PTGDR: variants seen among roughly 807,000 people sequenced by gnomAD.
The protein encoded by PTGDR is prostaglandin D2 receptor.
In PTGDR, 19 loss-of-function variants were observed where a neutral mutation model predicts 17.4. The observed-to-expected ratio is 1.09, with a 90% CI of 0.76 to 1.60. The LOEUF is 1.60. Ranked by LOEUF, PTGDR falls within the 40% of genes most tolerant of loss-of-function variation. PTGDR has a pLI of 0.00. For synonymous variants in PTGDR, 267 were observed against 224.2 expected (o/e 1.19, Z -1.71); for missense variants, 526 against 481.9 (o/e 1.09, Z -0.86).
Position 52,274,982 on chromosome 14 carries a change from T to C in PTGDR, c.*18T>C, listed in dbSNP as rs1237344996. The C allele has an allele frequency of 2.7e-6, 4 of 1,490,114 alleles. No individual in the cohort carries two copies. Among genetic ancestry groups the C allele is most frequent in the Non-Finnish European group, 3.7e-6 (4 of 1,077,366 alleles). The allele number at this position is 1,490,114 out of a possible 1,614,324, so 92.3% of individuals were successfully genotyped here. On this transcript the variant is annotated 3_prime_UTR_variant, in exon 2 of 2. Transcript: ENST00000306051. ...GTCTGTGACAGTGTTTTTCACTCTG[T>C]GGTAAGCTGAGGAATATGTCACATT...
chr14:52,274,036 T>G (rs576153418), intron 1 of PTGDR, among the ~76,000 whole-genome samples: 1 of 152,102 alleles, frequency 6.6e-6, no homozygotes, highest in South Asian at 2.1e-4. Flanking sequence ...TAAGGCAGCC[T>G]TATATTTTTG....
In PTGDR at chr14:52,268,355, A is replaced by T. The variant is rs1451696350; in HGVS notation, c.541A>T (p.Thr181Ser). Residue 181 changes from threonine (T) to serine (S), a missense_variant, in exon 1 of 2, where the codon ACC becomes TCC. Coordinates refer to ENST00000306051, the MANE Select transcript of PTGDR (RefSeq NM_000953.3). Reference protein sequence around the residue: ...FGKFVQYCPGTWCFIQMVHEE... With the variant: ...FGKFVQYCPGSWCFIQMVHEE... Reference sequence around the variant, plus strand: ...GAAGTTCGTGCAGTACTGCCCCGGCACCTGGTGCTTTATCCAGATGGTCCA... The same window carrying T: ...GAAGTTCGTGCAGTACTGCCCCGGCTCCTGGTGCTTTATCCAGATGGTCCA... 6.2e-7 allele frequency: 1 copy of T among 1,613,186 alleles called. No individual in the cohort carries two copies. Among genetic ancestry groups the T allele is most frequent in the Non-Finnish European group, 8.5e-7 (1 of 1,180,002 alleles).
At chr14:52,269,278 C>T (rs1236594353) in intron 1 of PTGDR, among the ~76,000 whole-genome samples, 3 of 152,170 alleles carry the variant, frequency 2.0e-5, no homozygotes, top group Non-Finnish European at 4.4e-5. Context: ...GGGATTGTGG[C>T]GATGGAGGCC....
rs41311442 is a variant in PTGDR at position 52,267,833 on chromosome 14, C to G, written c.19C>G (p.Arg7Gly). The G allele has an allele frequency of 1.3e-6, 2 of 1,570,106 alleles. No individual in the cohort carries two copies. Among genetic ancestry groups the G allele is most frequent in the South Asian group, 2.4e-5 (2 of 83,676 alleles). Residue 7 changes from arginine to glycine, a missense_variant, in exon 1 of 2, where the codon CGC (arginine) becomes GGC (glycine). By Grantham distance (125) the Arg-to-Gly change is moderately radical. Coordinates refer to ENST00000306051, the MANE Select transcript of PTGDR (RefSeq NM_000953.3). ...GCACGCCATGAAGTCGCCGTTCTAC[C>G]GCTGCCAGAACACCACCTCTGTGGA... MKSPFY[R>G]CQNTTSVEKG...
downstream of PTGDR, among the ~76,000 whole-genome samples, chr14:52,277,160 G>A (rs933889174): frequency 6.6e-5 from 10 of 152,212 alleles, no homozygotes; most frequent in Admixed American, 4.6e-4. Flanking sequence ...TGAGTTGCTC[G>A]TTGTCCACTG....
At chr14:52,279,634 G>A (rs1429924021), downstream of PTGDR, among the ~76,000 whole-genome samples, 2 of 152,080 alleles carry the variant, frequency 1.3e-5, no homozygotes, top group Non-Finnish European at 2.9e-5. Flanking sequence ...AAATTCAGTG[G>A]AATGAATCAG....
chr14:52,274,164 T>C (rs2033374376), intron 1 of PTGDR, among the ~76,000 whole-genome samples: 1 of 150,982 alleles, frequency 6.6e-6, no homozygotes, highest in South Asian at 2.1e-4. Flanking sequence ...CAGTATTTTT[T>C]TCCAAGTCAT....
chr14:52,270,674 A>G (rs1232521919), intron 1 of PTGDR, among the ~76,000 whole-genome samples: 1 of 152,246 alleles, frequency 6.6e-6, no homozygotes, highest in Non-Finnish European at 1.5e-5. Context: ...AAAACCTAAA[A>G]TAGTTACTAT....
downstream of PTGDR, among the ~76,000 whole-genome samples, chr14:52,279,230 TG>T (rs2033463087): frequency 1.3e-5 from 2 of 152,212 alleles, no homozygotes; most frequent in Non-Finnish European, 2.9e-5. Flanking sequence ...TGATGAAGAA[TG>T]TTCTCATATC....
intron 1 of PTGDR, among the ~76,000 whole-genome samples, chr14:52,273,771 G>A (rs1308312337): frequency 6.6e-6 from 1 of 152,198 alleles, no homozygotes; most frequent in East Asian, 1.9e-4. Context: ...CTAATGTTGA[G>A]TTTGCACGCT....
In PTGDR at chr14:52,268,024, C is replaced by G. The variant is rs1440106847; in HGVS notation, c.210C>G (p.Val70=). ...ACATGCTGGTGTGTGGCCTGACGGT[C>G]ACCGACTTGCTGGGCAAGTGCCTCC... The part of the protein sequence containing the change: ...VFYMLVCGLT[V]TDLLGKCLLS... The change falls in exon 1 of 2, where the codon GTC becomes GTG. Residue 70 remains valine (V), a synonymous_variant. Transcript: ENST00000306051. The G allele has an allele frequency of 1.9e-6, 3 of 1,610,880 alleles. No individual in the cohort carries two copies. The highest frequency in any genetic ancestry group is 2.5e-6 in the Non-Finnish European group (3 of 1,180,032).
Position 52,267,760 on chromosome 14 carries a change from G to T in PTGDR, c.-55G>T. 1.3e-6 allele frequency: 2 copies of T among 1,491,170 alleles called. No homozygotes were observed. Among genetic ancestry groups the T allele is most frequent in the Non-Finnish European group, 8.9e-7 (1 of 1,123,990 alleles). 92.4% of individuals were successfully genotyped at this position (1,491,170 alleles called of 1,614,324 possible). Reference sequence around the variant, plus strand: ...GCCGGGGGCTCCTTAGCACCCGGGCGCCGGGGCCCTCGCCCTTCCGCAGCC... The same window carrying T: ...GCCGGGGGCTCCTTAGCACCCGGGCTCCGGGGCCCTCGCCCTTCCGCAGCC... On this transcript the variant is annotated 5_prime_UTR_variant, in exon 1 of 2. Transcript: ENST00000306051.
chr14:52,280,331 A>G (rs2033473662), downstream of PTGDR, among the ~76,000 whole-genome samples: 1 of 152,232 alleles, frequency 6.6e-6, no homozygotes, highest in Non-Finnish European at 1.5e-5. Context: ...TGAAAAAGAT[A>G]AAGTACAATG....
downstream of PTGDR, among the ~76,000 whole-genome samples, chr14:52,279,633 G>A (rs2033466228): frequency 1.3e-5 from 2 of 152,014 alleles, no homozygotes; most frequent in South Asian, 4.1e-4. Flanking sequence ...CAAATTCAGT[G>A]GAATGAATCA....
At position 52,274,749 on chromosome 14, in the gene PTGDR, G is replaced by A; in HGVS notation, c.865G>A (p.Ala289Thr). 6.2e-7 allele frequency: 1 copy of A among 1,611,938 alleles called. No individual in the cohort carries two copies. The highest frequency in any genetic ancestry group is 1.1e-5 in the South Asian group (1 of 91,054). Reference protein sequence around the residue: ...LPVIYRAYYGAFKDVKEKNRT... With the variant: ...LPVIYRAYYGTFKDVKEKNRT... ...AAAACAGTATCGCGCTTACTATGGA[G>A]CATTTAAGGATGTCAAGGAGAAAAA... Residue 289 changes from alanine (A) to threonine (T), a missense_variant, in exon 2 of 2, where the codon GCA (alanine) becomes ACA (threonine). By Grantham distance (58) the Ala-to-Thr change is moderately conservative. Transcript: ENST00000306051.
In PTGDR at chr14:52,276,415, G is replaced by GT. The variant is rs2033426950; in HGVS notation, c.*1457dup. ...CAGCAACCTCCTTTGTTTCACTTAT[G>GT]TTTTTTCCAGTATCTGAGATAATAT... On this transcript the variant is annotated 3_prime_UTR_variant, in exon 2 of 2. Coordinates refer to ENST00000306051, the MANE Select transcript of PTGDR (RefSeq NM_000953.3). The GT allele has an allele frequency of 6.6e-6, 1 of 152,054 alleles. No individual in the cohort carries two copies. The highest frequency in any genetic ancestry group is 6.6e-5 in the Admixed American group (1 of 15,260). 9.4% of individuals were successfully genotyped at this position (152,054 alleles called of 1,614,324 possible).
rs1217159327 is a variant in PTGDR, at chr14:52,267,982, G to C, written c.168G>C (p.Pro56=). The C allele has an allele frequency of 1.2e-6, 2 of 1,609,278 alleles. No homozygotes were observed. The highest frequency in any genetic ancestry group is 8.5e-7 in the Non-Finnish European group (1 of 1,179,860). The change falls in exon 1 of 2, where the codon CCG becomes CCC. Residue 56 remains proline (P), a synonymous_variant. Coordinates refer to ENST00000306051, the MANE Select transcript of PTGDR (RefSeq NM_000953.3). Reference sequence around the variant, plus strand: ...GGTGCTCGCGGCGTCCACTGCGCCCGCTGCCCTCGGTCTTCTACATGCTGG... The same window carrying C: ...GGTGCTCGCGGCGTCCACTGCGCCCCCTGCCCTCGGTCTTCTACATGCTGG... The part of the protein sequence containing the change: ...LGWCSRRPLR[P]LPSVFYMLVC...
chr14:52,280,068 GT>G (rs1250345304), downstream of PTGDR, among the ~76,000 whole-genome samples: 5 of 152,092 alleles, frequency 3.3e-5, no homozygotes, highest in Admixed American at 3.3e-4. Flanking sequence ...ATGTTACAAA[GT>G]ACTAAAGTAT....
Position 52,268,492 on chromosome 14 carries a change from T to G in PTGDR, c.678T>G (p.Tyr226Ter), listed in dbSNP as rs1483764442. 1 of 1,610,706 alleles carries G rather than the reference T, an allele frequency of 6.2e-7. No individual in the cohort carries two copies. Among genetic ancestry groups the G allele is most frequent in the South Asian group, 1.1e-5 (1 of 91,056 alleles). ...LCNLGAMRNLYAMHRRLQRHP... is the reference protein window; with the variant it reads ...LCNLGAMRNL ...ACCTCGGCGCCATGCGCAACCTCTATGCGATGCACCGGCGGCTGCAGCGGC... is the reference window on the plus strand; with the variant it reads ...ACCTCGGCGCCATGCGCAACCTCTAGGCGATGCACCGGCGGCTGCAGCGGC... Residue 226 changes from tyrosine (Y) to a stop codon, truncating the protein, a stop_gained, in exon 1 of 2, where the codon TAT becomes TAG. Coordinates refer to ENST00000306051, the MANE Select transcript of PTGDR (RefSeq NM_000953.3). LOFTEE classifies it high-confidence loss of function.
Sources: allele counts gnomAD v4.1 joint callset (sites outside exome capture counted in the v4.1 genomes callset), GRCh38; gene constraint gnomAD v4.1.1; transcripts MANE v1.5; gene names NCBI Gene and HGNC (gene_info 2026-07-23, HGNC 2026-07-21).